Variants in THEMIS observed in about 807,000 individuals in gnomAD.
THEMIS encodes the protein thymocyte selection associated.
THEMIS carries 37 observed loss-of-function variants against 52.6 expected under a neutral mutation model. The observed-to-expected ratio is 0.70, with a 90% CI of 0.54 to 0.93. The LOEUF (loss-of-function observed/expected upper bound fraction) is 0.93, where lower values mean the gene tolerates loss of function less well. Among genes scored for constraint, THEMIS ranks in the 40% least tolerant of loss-of-function variants. The pLI is 0.00. For missense variants in THEMIS, 808 were observed against 763.1 expected (o/e 1.06, Z -0.69); for synonymous variants, 292 against 272.7 (o/e 1.07, Z -0.70).
chr6:127,776,412 A>C (rs1412263788), intron 4 of THEMIS, among the ~76,000 whole-genome samples: 1 of 152,042 alleles, frequency 6.6e-6, no homozygotes, highest in East Asian at 1.9e-4. Context: ...TGGACCTCTC[A>C]TTCTTGGGGG....
intron 5 of THEMIS, among the ~76,000 whole-genome samples, chr6:127,710,789 G>GAGGAAC (rs1311335446): frequency 4.6e-5 from 7 of 151,904 alleles, no homozygotes; most frequent in Non-Finnish European, 5.9e-5. Context: ...AAGTGGTCAA[G>GAGGAAC]AGGAACAGAA....
chr6:127,849,466 A>G (rs1562298575), intron 2 of THEMIS, among the ~76,000 whole-genome samples: 1 of 151,882 alleles, frequency 6.6e-6, no homozygotes, highest in Admixed American at 6.6e-5. Context: ...CAAGCTACCA[A>G]TGACTTTCTT....
At chr6:127,884,500 T>C (rs428016) in intron 1 of THEMIS, among the ~76,000 whole-genome samples, 40,582 of 152,060 alleles carry the variant, frequency 0.27, 5,989 homozygotes, top group Middle Eastern at 0.42. Flanking sequence ...ACCATACTAC[T>C]AGTCTAGACT....
chr6:127,776,741 ATTGGTTATAC>A (rs1366813681), intron 4 of THEMIS, among the ~76,000 whole-genome samples: 2 of 152,200 alleles, frequency 1.3e-5, no homozygotes, highest in African/African-American at 4.8e-5. Flanking sequence ...TAACATAGAT[ATTGGTTATAC>A]TTCTTGGTGA....
chr6:127,819,028 G>A (rs1583313431), intron 3 of THEMIS, among the ~76,000 whole-genome samples: 1 of 143,334 alleles, frequency 7.0e-6, no homozygotes, highest in Non-Finnish European at 1.5e-5. Context: ...GCTGAGACAG[G>A]AGAATTGCCT....
rs574949649 is a variant in THEMIS at position 127,719,228 on chromosome 6, A to G, written c.1894+460T>C. Among the ~76,000 whole-genome samples, 19 of 151,992 alleles carry G rather than the reference A, an allele frequency of 1.3e-4. No individual in the cohort carries two copies. In the South Asian group the frequency reaches 3.9e-3, roughly 31 times the overall value. On this transcript the variant is annotated intron_variant, in intron 5 of 5. Coordinates refer to ENST00000368248, the MANE Select transcript of THEMIS (RefSeq NM_001010923.3). Reference sequence around the variant, plus strand: ...ACAAGTCCGTTTGCTTTTGTTTTGCACTCAGTAGAGATGAAAAATATCAGA... The same window carrying G: ...ACAAGTCCGTTTGCTTTTGTTTTGCGCTCAGTAGAGATGAAAAATATCAGA...
intron 1 of THEMIS, among the ~76,000 whole-genome samples, chr6:127,893,609 T>G (rs1780876047): frequency 6.6e-6 from 1 of 152,138 alleles, no homozygotes; most frequent in African/African-American, 2.4e-5. Context: ...AAATAATAAA[T>G]GCTTGAGCAA....
At chr6:127,734,503 T>G (rs1385366202) in intron 4 of THEMIS, among the ~76,000 whole-genome samples, 1 of 152,112 alleles carries the variant, frequency 6.6e-6, no homozygotes. Context: ...ATTCTTGAAA[T>G]TTTTTGTAAG....
chr6:127,772,015 A>G (rs1776403577), intron 4 of THEMIS, among the ~76,000 whole-genome samples: 1 of 152,264 alleles, frequency 6.6e-6, no homozygotes, highest in East Asian at 1.9e-4. Flanking sequence ...TTAATAATAT[A>G]TCTTGGGCAC....
chr6:127,820,416 A>G (rs1007862360), intron 3 of THEMIS, among the ~76,000 whole-genome samples: 5 of 152,110 alleles, frequency 3.3e-5, no homozygotes, highest in Non-Finnish European at 7.4e-5. Flanking sequence ...AATAGTCAGT[A>G]ATTAAAAAGA....
chr6:127,844,245 A>G (rs1267066948), intron 2 of THEMIS, among the ~76,000 whole-genome samples: 1 of 151,970 alleles, frequency 6.6e-6, no homozygotes, highest in African/African-American at 2.4e-5. Context: ...GTCTGAATTC[A>G]ATTAGTAATT....
chr6:127,746,993 A>G (rs1342337434), intron 4 of THEMIS, among the ~76,000 whole-genome samples: 2 of 86,868 alleles, frequency 2.3e-5, no homozygotes, highest in African/African-American at 1.0e-4. Context: ...AATTATATAT[A>G]GATATCTATA....
chr6:127,864,986 G>GA (rs1779929112), intron 1 of THEMIS, among the ~76,000 whole-genome samples: 1 of 151,864 alleles, frequency 6.6e-6, no homozygotes, highest in Non-Finnish European at 1.5e-5. Flanking sequence ...ACATGGACAG[G>GA]GCATCATTCT....
At chr6:127,893,305 T>C (rs1439759034) in intron 1 of THEMIS, among the ~76,000 whole-genome samples, 1 of 152,164 alleles carries the variant, frequency 6.6e-6, no homozygotes. Flanking sequence ...CTTTACAATA[T>C]ACCAGCATTA....
chr6:127,705,845 G>A (rs541419153), downstream of THEMIS, among the ~76,000 whole-genome samples: 1 of 152,264 alleles, frequency 6.6e-6, no homozygotes, highest in African/African-American at 2.4e-5. Context: ...AATTTTTGAA[G>A]GTTCAGCTGA....
intron 5 of THEMIS, among the ~76,000 whole-genome samples, chr6:127,718,256 A>G (rs1774239189): frequency 6.6e-6 from 1 of 151,932 alleles, no homozygotes; most frequent in Non-Finnish European, 1.5e-5. Flanking sequence ...TTCTAAATAA[A>G]TGCATGTTAA....
intron 4 of THEMIS, among the ~76,000 whole-genome samples, chr6:127,775,024 C>T (rs1432649042): frequency 6.6e-6 from 1 of 152,126 alleles, no homozygotes; most frequent in Non-Finnish European, 1.5e-5. Flanking sequence ...ATTGTAGTCA[C>T]TGGGATGAGA....
chr6:127,801,273 T>A (rs1777524840), intron 4 of THEMIS, among the ~76,000 whole-genome samples: 1 of 152,130 alleles, frequency 6.6e-6, no homozygotes, highest in Admixed American at 6.5e-5. Context: ...GTGGGCAAAG[T>A]GATGAATGAA....
chr6:127,891,314 T>C (rs937634980), intron 1 of THEMIS, among the ~76,000 whole-genome samples: 1 of 152,112 alleles, frequency 6.6e-6, no homozygotes. Flanking sequence ...ATGGATCACC[T>C]GAGGTCAGGA....
Sources: gnomAD v4.1 joint callset for allele counts (sites outside exome capture counted in the v4.1 genomes callset) on GRCh38, gnomAD v4.1.1 for gene constraint, MANE v1.5 for transcripts, NCBI Gene and HGNC (gene_info 2026-07-23, HGNC 2026-07-21) for gene names.